Variants in COBL observed in about 807,000 individuals in gnomAD.
COBL encodes protein cordon-bleu.
COBL carries 51 observed loss-of-function variants against 98.8 expected under a neutral mutation model. That is an observed-to-expected ratio of 0.52 (90% CI 0.41 to 0.65). COBL has a LOEUF of 0.65. Ranked by LOEUF, COBL falls within the 30% of genes least tolerant of loss-of-function variation. The pLI is 0.00. For synonymous variants in COBL, 634 were observed against 651.7 expected, an observed-to-expected ratio of 0.97 and a Z score of 0.41; for missense variants, 1,617 against 1,617.5, an observed-to-expected ratio of 1.00 and a Z score of 0.01.
intron 7 of COBL, chr7:51,064,608 C>T (rs1419440540): frequency 6.6e-6 from 1 of 152,440 alleles, no homozygotes; most frequent in East Asian, 1.9e-4. Context: ...CGCAAAAAGA[C>T]AAGCAGGCAA....
At chr7:51,301,731 C>G (rs748948088) in intron 1 of COBL, among the ~76,000 whole-genome samples, 1 of 152,180 alleles carries the variant, frequency 6.6e-6, no homozygotes, top group Non-Finnish European at 1.5e-5. Context: ...CAGATTCCAG[C>G]GCAGATCCAG....
At chr7:51,078,889 T>A (rs1459733843) in intron 7 of COBL, among the ~76,000 whole-genome samples, 1 of 152,170 alleles carries the variant, frequency 6.6e-6, no homozygotes, top group Non-Finnish European at 1.5e-5. Flanking sequence ...GCCATGTGGG[T>A]CTCCGTAGAG....
intron 1 of COBL, among the ~76,000 whole-genome samples, chr7:51,265,038 G>C (rs1020762478): frequency 1.3e-5 from 2 of 152,162 alleles, no homozygotes; most frequent in Non-Finnish European, 2.9e-5. Flanking sequence ...CCAATGTGAA[G>C]GCCTCCTGAA....
At chr7:51,025,777 G>C (rs774849350) in intron 11 of COBL, among the ~76,000 whole-genome samples, 21 of 152,334 alleles carry the variant, frequency 1.4e-4, no homozygotes, top group Non-Finnish European at 2.9e-4. Context: ...AAGGTTCTGA[G>C]AGAGCAGCAC....
intron 1 of COBL, among the ~76,000 whole-genome samples, chr7:51,220,512 G>A (rs1793533524): frequency 1.3e-5 from 2 of 152,148 alleles, no homozygotes. Context: ...AAGGATGCGG[G>A]TGATGGTAAA....
chr7:51,253,240 TA>T (rs1213037766), intron 1 of COBL, among the ~76,000 whole-genome samples: 3 of 152,072 alleles, frequency 2.0e-5, no homozygotes, highest in Admixed American at 2.0e-4. Context: ...AATAAATAAA[TA>T]AAATGCATTA....
At chr7:51,017,673 T>C in intron 12 of COBL, 105 bp from the exon 13 acceptor site, 2 of 1,186,464 alleles carry the variant, frequency 1.7e-6, no homozygotes, top group Non-Finnish European at 2.5e-6. Flanking sequence ...GCAATAGTAC[T>C]CCTGGAACCC....
rs116176770 is a variant in COBL at position 51,167,103 on chromosome 7, G to C, written c.783+16999C>G. ...AACATAATACTGGAAGTCCTGGCTAGGCAACCAGACAAGAGAAAGATATAA... is the reference window on the plus strand; with the variant it reads ...AACATAATACTGGAAGTCCTGGCTACGCAACCAGACAAGAGAAAGATATAA... On this transcript the variant is annotated intron_variant, in intron 5 of 12. Transcript: ENST00000265136. Among the ~76,000 whole-genome samples the C allele has an allele frequency of 2.4e-3, 361 of 152,170 alleles. 3 individuals are homozygous for C. In the South Asian group the frequency reaches 0.036, roughly 15 times the overall value.
intron 2 of COBL, among the ~76,000 whole-genome samples, chr7:51,193,927 C>T (rs1478359500): frequency 6.6e-6 from 1 of 152,150 alleles, no homozygotes; most frequent in Non-Finnish European, 1.5e-5. Flanking sequence ...ACTAAATTTT[C>T]AGTTATTCAG....
chr7:51,198,199 T>C (rs527927938), intron 2 of COBL, among the ~76,000 whole-genome samples: 1 of 152,218 alleles, frequency 6.6e-6, no homozygotes, highest in Non-Finnish European at 1.5e-5. Context: ...AAGGCAGGTT[T>C]GGAGGTAAGG....
chr7:51,275,536 G>A (rs949815992), intron 1 of COBL, among the ~76,000 whole-genome samples: 1 of 152,060 alleles, frequency 6.6e-6, no homozygotes, highest in African/African-American at 2.4e-5. Context: ...GGTCTGGGGG[G>A]AATTCTCCCC....
chr7:51,112,268 G>C (rs191124720), intron 6 of COBL, among the ~76,000 whole-genome samples: 1 of 152,202 alleles, frequency 6.6e-6, no homozygotes, highest in Non-Finnish European at 1.5e-5. Context: ...ATCACTGATG[G>C]AAATTGTATT....
At chr7:51,218,826 T>C (rs1793344279) in intron 2 of COBL, among the ~76,000 whole-genome samples, 1 of 152,218 alleles carries the variant, frequency 6.6e-6, no homozygotes, top group Non-Finnish European at 1.5e-5. Flanking sequence ...TTCAATTCAC[T>C]GCTGCATCAG....
intron 1 of COBL, among the ~76,000 whole-genome samples, chr7:51,231,713 G>C (rs1584254378): frequency 6.6e-6 from 1 of 152,338 alleles, no homozygotes; most frequent in East Asian, 1.9e-4. Context: ...GCCTGAACCA[G>C]AGGGCTGGGT....
chr7:51,272,948 CCAACAACAACAACAACAA>C (rs202039697), intron 1 of COBL, among the ~76,000 whole-genome samples: 5 of 146,100 alleles, frequency 3.4e-5, no homozygotes, highest in East Asian at 3.9e-4. Flanking sequence ...GAACACAATA[CCAACAACAACAACAACAA>C]CAACAACAAC....
intron 12 of COBL, among the ~76,000 whole-genome samples, chr7:51,024,653 GTGAATGAATGAA>G (rs3216937): frequency 0.31 from 47,249 of 151,188 alleles, 7,772 homozygotes; most frequent in South Asian, 0.46. Context: ...GCATGTACGA[GTGAATGAATGAA>G]TGAATGAATG....
At chr7:51,305,994 T>C (rs558179520) in intron 1 of COBL, among the ~76,000 whole-genome samples, 275 of 152,046 alleles carry the variant, frequency 1.8e-3, no homozygotes, top group African/African-American at 6.2e-3. Context: ...TGAGATCGCA[T>C]CACTGCACTC....
intron 5 of COBL, among the ~76,000 whole-genome samples, chr7:51,180,626 T>C (rs1788857143): frequency 6.6e-6 from 1 of 152,252 alleles, no homozygotes; most frequent in Admixed American, 6.5e-5. Context: ...TACTATGATT[T>C]ATCTTTGGTA....
chr7:51,271,923 G>T (rs1045397845), intron 1 of COBL, among the ~76,000 whole-genome samples: 10 of 152,086 alleles, frequency 6.6e-5, no homozygotes, highest in African/African-American at 2.4e-4. Context: ...CAGCTACTCG[G>T]GAGGCTGAGG....
Sources: gnomAD v4.1 joint callset for allele counts (sites outside exome capture counted in the v4.1 genomes callset) on GRCh38, gnomAD v4.1.1 for gene constraint, MANE v1.5 for transcripts, NCBI Gene and HGNC (gene_info 2026-07-23, HGNC 2026-07-21) for gene names.